The following DERA variants were observed in gnomAD, a reference collection of about 807,000 sequenced individuals.
DERA encodes the protein deoxyribose-phosphate aldolase.
Under a neutral mutation model 41.1 loss-of-function variants are expected in DERA, and 15 were observed. The ratio of observed to expected loss-of-function variants is 0.37; its 90% CI spans 0.24 to 0.56. DERA has a LOEUF of 0.56. Among genes scored for constraint, DERA ranks in the 20% least tolerant of loss-of-function variants. DERA has a pLI of 0.81. For synonymous variants in DERA, 139 were observed against 137.4 expected (o/e 1.01, Z -0.08); for missense variants, 396 against 403.4 (o/e 0.98, Z 0.16).
chr12:16,029,339 C>G (rs1949074689), intron 6 of DERA, among the ~76,000 whole-genome samples: 1 of 152,052 alleles, frequency 6.6e-6, no homozygotes, highest in Admixed American at 6.6e-5. Context: ...AGGAGAATGG[C>G]GTGAACCCGG....
chr12:15,932,759 C>G (rs1440609289), intron 1 of DERA, among the ~76,000 whole-genome samples: 3 of 152,148 alleles, frequency 2.0e-5, no homozygotes, highest in African/African-American at 7.2e-5. Flanking sequence ...TTGTTATTAA[C>G]TGTAGTTAAC....
At chr12:16,022,311 G>A (rs538303435) in intron 6 of DERA, among the ~76,000 whole-genome samples, 3 of 152,236 alleles carry the variant, frequency 2.0e-5, no homozygotes, top group Non-Finnish European at 2.9e-5. Context: ...TGCCATGATC[G>A]TAGGCTTCCC....
At position 15,994,897 on chromosome 12, in the gene DERA, ATTCT is replaced by A. The variant is rs1290638000; in HGVS notation, c.637+12466_637+12469del. ...ATCATGTGAAGTTGGTAGTTTATAA[ATTCT>A]TTCTGCAGTAATCCCAAGAGGGAGG... On this transcript the variant is annotated intron_variant, in intron 6 of 8. Coordinates refer to ENST00000428559, the MANE Select transcript of DERA (RefSeq NM_015954.4). The surrounding 1 kb of genome is among the most constrained non-coding windows in gnomAD (Gnocchi z 4.8). 2.6e-5 allele frequency among the ~76,000 whole-genome samples: 4 copies of A among 152,226 alleles called. No homozygotes were observed. The highest frequency in any genetic ancestry group is 5.9e-5 in the Non-Finnish European group (4 of 68,042).
rs375903652 is a variant in DERA at position 15,927,395 on chromosome 12, A to G, written c.31+15981A>G. On this transcript the variant is annotated intron_variant, in intron 1 of 8. Transcript: ENST00000428559. ...AATCAGAGACAAGTGTTCATACACT[A>G]TTACTTAAGAACAGTAACGCTTTTT... Among the ~76,000 whole-genome samples the G allele has an allele frequency of 3.9e-5, 6 of 152,212 alleles. No homozygotes were observed. In the East Asian group the frequency reaches 7.7e-4, roughly 20 times the overall value.
chr12:15,960,013 G>T, intron 4 of DERA, 89 bp downstream of exon 4: 2 of 906,746 alleles, frequency 2.2e-6, no homozygotes, highest in Non-Finnish European at 3.3e-6. Flanking sequence ...TTTGTACTAT[G>T]ATTTAAATTA....
Position 15,918,142 on chromosome 12 carries a change from T to G in DERA, c.31+6728T>G, listed in dbSNP as rs1202675353. Among the ~76,000 whole-genome samples the G allele has an allele frequency of 6.6e-6, 1 of 152,190 alleles. No individual in the cohort carries two copies. The highest frequency in any genetic ancestry group is 2.4e-5 in the African/African-American group (1 of 41,450). ...TGGCCCCAGCAGATGTTCTTCTCACTGTTCTCAGGCTCTGACCCCTGAGCT... is the reference window on the plus strand; with the variant it reads ...TGGCCCCAGCAGATGTTCTTCTCACGGTTCTCAGGCTCTGACCCCTGAGCT... On this transcript the variant is annotated intron_variant, in intron 1 of 8. Transcript: ENST00000428559. This position sits in a 1 kb window ranked among gnomAD's most constrained non-coding sequence, Gnocchi z 4.3.
At position 16,014,398 on chromosome 12, in the gene DERA, G is replaced by A. The variant is rs1033889101; in HGVS notation, c.638-18144G>A. Reference sequence around the variant, plus strand: ...CTCAGGACTTGGTGCCCTGCATCCCGGCCGTGGCTAAAAGAAGCCAATGTA... The same window carrying A: ...CTCAGGACTTGGTGCCCTGCATCCCAGCCGTGGCTAAAAGAAGCCAATGTA... On this transcript the variant is annotated intron_variant, in intron 6 of 8. Coordinates refer to ENST00000428559, the MANE Select transcript of DERA (RefSeq NM_015954.4). This position sits in a 1 kb window ranked among gnomAD's most constrained non-coding sequence, Gnocchi z 5.4. Among the ~76,000 whole-genome samples the A allele has an allele frequency of 8.6e-5, 13 of 152,036 alleles. No individual in the cohort carries two copies. The highest frequency in any genetic ancestry group is 2.2e-4 in the African/African-American group (9 of 41,416).
Position 15,994,803 on chromosome 12 carries a change from G to A in DERA, c.637+12367G>A, listed in dbSNP as rs1948826639. Reference sequence around the variant, plus strand: ...TTGGAATCCTTGAATGGATCCCTCAGTATATTGTACCAGGTAGATGCTTGA... The same window carrying A: ...TTGGAATCCTTGAATGGATCCCTCAATATATTGTACCAGGTAGATGCTTGA... On this transcript the variant is annotated intron_variant, in intron 6 of 8. Coordinates refer to ENST00000428559, the MANE Select transcript of DERA (RefSeq NM_015954.4). This position sits in a 1 kb window ranked among gnomAD's most constrained non-coding sequence, Gnocchi z 4.8. Among the ~76,000 whole-genome samples, 1 of 152,166 alleles carries A rather than the reference G, an allele frequency of 6.6e-6. No individual in the cohort carries two copies. The highest frequency in any genetic ancestry group is 2.4e-5 in the African/African-American group (1 of 41,440).
chr12:15,911,531 G>T lies in DERA; in HGVS notation c.31+117G>T. Reference sequence around the variant, plus strand: ...TGTGGGTCCCCGAGGGGTTTTCGCTGGGGCGGGAAGCAGTGGCGTCTGGTC... The same window carrying T: ...TGTGGGTCCCCGAGGGGTTTTCGCTTGGGCGGGAAGCAGTGGCGTCTGGTC... On this transcript the variant is annotated intron_variant, in intron 1 of 8. Coordinates refer to ENST00000428559, the MANE Select transcript of DERA (RefSeq NM_015954.4). The surrounding 1 kb of genome is among the most constrained non-coding windows in gnomAD (Gnocchi z 4.5). 1 of 1,071,988 alleles carries T rather than the reference G, an allele frequency of 9.3e-7. No individual in the cohort carries two copies. Among genetic ancestry groups the T allele is most frequent in the South Asian group, 1.6e-5 (1 of 61,182 alleles). The allele number at this position is 1,071,988 out of a possible 1,614,324, so 66.4% of individuals were successfully genotyped here.
intron 6 of DERA, among the ~76,000 whole-genome samples, chr12:16,025,553 G>C (rs1949047831): frequency 6.6e-6 from 1 of 151,906 alleles, no homozygotes; most frequent in South Asian, 2.1e-4. Flanking sequence ...AAAATATGAG[G>C]CAAAAATTTT....
At position 15,940,191 on chromosome 12, in the gene DERA, GTTTT is replaced by G. The variant is rs898374621; in HGVS notation, c.32-16741_32-16738del. On this transcript the variant is annotated intron_variant, in intron 1 of 8. Coordinates refer to ENST00000428559, the MANE Select transcript of DERA (RefSeq NM_015954.4). This position sits in a 1 kb window ranked among gnomAD's most constrained non-coding sequence, Gnocchi z 5.1. ...TTATCTTCAGCAAAATAGACTTCCG[GTTTT>G]TTTATTTGATAAATTAGATTTTTAA... 1.3e-5 allele frequency among the ~76,000 whole-genome samples: 2 copies of G among 152,074 alleles called. No individual in the cohort carries two copies. Among genetic ancestry groups the G allele is most frequent in the East Asian group, 1.9e-4 (1 of 5,180 alleles).
At position 15,911,332 on chromosome 12, in the gene DERA, GC is replaced by G; in HGVS notation, c.-51del. On this transcript the variant is annotated 5_prime_UTR_variant, in exon 1 of 9. Coordinates refer to ENST00000428559, the MANE Select transcript of DERA (RefSeq NM_015954.4). The surrounding 1 kb of genome is among the most constrained non-coding windows in gnomAD (Gnocchi z 4.5). ...TGGCGGGAAGGAGGAAGGGCCGGGC[GC>G]GGCGCAGAGGCGGGCGCCTACCAGC... 6.9e-7 allele frequency: 1 copy of G among 1,440,100 alleles called. No homozygotes were observed. Among genetic ancestry groups the G allele is most frequent in the Middle Eastern group, 2.4e-4 (1 of 4,084 alleles). 89.2% of individuals were successfully genotyped at this position (1,440,100 alleles called of 1,614,324 possible).
At position 16,001,710 on chromosome 12, in the gene DERA, A is replaced by G. The variant is rs569791284; in HGVS notation, c.637+19274A>G. 6.6e-6 allele frequency among the ~76,000 whole-genome samples: 1 copy of G among 152,346 alleles called. No homozygotes were observed. The highest frequency in any genetic ancestry group is 2.4e-5 in the African/African-American group (1 of 41,584). On this transcript the variant is annotated intron_variant, in intron 6 of 8. Coordinates refer to ENST00000428559, the MANE Select transcript of DERA (RefSeq NM_015954.4). This position sits in a 1 kb window ranked among gnomAD's most constrained non-coding sequence, Gnocchi z 4.1. ...AGGAAGGACAAGAATAAATGGTATC[A>G]GAGGAGAAATTTTCCCAGGAGGGCG...
At chr12:15,932,255 T>A (rs1948333817) in intron 1 of DERA, among the ~76,000 whole-genome samples, 1 of 152,210 alleles carries the variant, frequency 6.6e-6, no homozygotes, top group Non-Finnish European at 1.5e-5. Flanking sequence ...CATTGTTAGT[T>A]CAAGGATTAA....
In DERA at chr12:15,996,744, G is replaced by C. The variant is rs936400416; in HGVS notation, c.637+14308G>C. Among the ~76,000 whole-genome samples, 1 of 152,146 alleles carries C rather than the reference G, an allele frequency of 6.6e-6. No individual in the cohort carries two copies. Among genetic ancestry groups the C allele is most frequent in the Non-Finnish European group, 1.5e-5 (1 of 68,026 alleles). The stretch of plus-strand genomic sequence containing the variant: ...TTGCTTTATGGTCTTATTATTTTCT[G>C]TCAAGAAGACCTGAAGAAGTTAGAG... On this transcript the variant is annotated intron_variant, in intron 6 of 8. Transcript: ENST00000428559. This position sits in a 1 kb window ranked among gnomAD's most constrained non-coding sequence, Gnocchi z 4.7.
Position 16,011,336 on chromosome 12 carries a change from A to G in DERA, c.638-21206A>G, listed in dbSNP as rs965290538. Among the ~76,000 whole-genome samples, 1 of 152,212 alleles carries G rather than the reference A, an allele frequency of 6.6e-6. No individual in the cohort carries two copies. The highest frequency in any genetic ancestry group is 6.5e-5 in the Admixed American group (1 of 15,270). The stretch of plus-strand genomic sequence containing the variant: ...TCCCTTATCTTAAATGCTTGGAACC[A>G]GAAGTGTTTTGGATTTTGGATTTTT... On this transcript the variant is annotated intron_variant, in intron 6 of 8. Coordinates refer to ENST00000428559, the MANE Select transcript of DERA (RefSeq NM_015954.4). The surrounding 1 kb of genome is among the most constrained non-coding windows in gnomAD (Gnocchi z 4.7).
rs1385036298 is a variant in DERA at position 15,994,065 on chromosome 12, G to A, written c.637+11629G>A. Among the ~76,000 whole-genome samples, 2 of 152,314 alleles carry A rather than the reference G, an allele frequency of 1.3e-5. No individual in the cohort carries two copies. Among genetic ancestry groups the A allele is most frequent in the East Asian group, 3.9e-4 (2 of 5,182 alleles). On this transcript the variant is annotated intron_variant, in intron 6 of 8. Coordinates refer to ENST00000428559, the MANE Select transcript of DERA (RefSeq NM_015954.4). The surrounding 1 kb of genome is among the most constrained non-coding windows in gnomAD (Gnocchi z 4.8). Reference sequence around the variant, plus strand: ...GTAAAATTTTATTGTCTGAAATTGTGAAAAATGTAGCCCAACATATTCCAA... The same window carrying A: ...GTAAAATTTTATTGTCTGAAATTGTAAAAAATGTAGCCCAACATATTCCAA...
intron 6 of DERA, among the ~76,000 whole-genome samples, chr12:16,031,321 T>C (rs1020753878): frequency 6.6e-6 from 1 of 152,242 alleles, no homozygotes; most frequent in African/African-American, 2.4e-5. Flanking sequence ...ATACACAGTG[T>C]GCTTAATAAA....
At chr12:15,925,895 T>C (rs1296259337) in intron 1 of DERA, among the ~76,000 whole-genome samples, 1 of 143,544 alleles carries the variant, frequency 7.0e-6, no homozygotes, top group African/African-American at 2.6e-5. Context: ...TGGCACGATC[T>C]CGGCTCACTG....
Sources: gnomAD v4.1 joint callset for allele counts (sites outside exome capture counted in the v4.1 genomes callset) on GRCh38, gnomAD v4.1.1 for gene constraint, Gnocchi (gnomAD v3.1) non-coding constraint, MANE v1.5 for transcripts, NCBI Gene and HGNC (gene_info 2026-07-23, HGNC 2026-07-21) for gene names.